Variants in ESR1 observed in about 807,000 individuals in gnomAD.
The protein encoded by ESR1 is estrogen receptor 1.
A neutral mutation model predicts 52.7 loss-of-function variants in ESR1; 12 were observed. That is an observed-to-expected ratio of 0.23 (90% CI 0.15 to 0.37). The LOEUF (loss-of-function observed/expected upper bound fraction) is 0.37. Among genes scored for constraint, ESR1 ranks in the 10% least tolerant of loss-of-function variants. ESR1 has a pLI of 1.00. For missense variants in ESR1, 584 were observed against 779.7 expected, an observed-to-expected ratio of 0.75 and a Z score of 2.99; for synonymous variants, 305 against 316.8, an observed-to-expected ratio of 0.96 and a Z score of 0.39.
chr6:152,021,087 G>T (rs895651177), intron 5 of ESR1, among the ~76,000 whole-genome samples: 5 of 152,108 alleles, frequency 3.3e-5, no homozygotes, highest in Non-Finnish European at 7.3e-5. Flanking sequence ...ATTAATCCTG[G>T]GTGTGTCTGT....
At chr6:151,890,918 G>T (rs1163222757) in intron 3 of ESR1, among the ~76,000 whole-genome samples, 2 of 152,020 alleles carry the variant, frequency 1.3e-5, no homozygotes, top group Non-Finnish European at 2.9e-5. Context: ...ATATAACAGG[G>T]TCTTGTTTTT....
At chr6:151,968,347 G>C (rs1459850551) in intron 4 of ESR1, among the ~76,000 whole-genome samples, 1 of 152,130 alleles carries the variant, frequency 6.6e-6, no homozygotes, top group East Asian at 1.9e-4. Context: ...GTACAATTCA[G>C]GACACAGGCA....
At position 151,996,749 on chromosome 6, in the gene ESR1, A is replaced by G. The variant is rs925924776; in HGVS notation, c.1097-14907A>G. The stretch of plus-strand genomic sequence containing the variant: ...CAAAAGTAAAAGTATGCTAATTTCA[A>G]TCCTTCACACAGTAAATTGAATGTA... On this transcript the variant is annotated intron_variant, in intron 4 of 7. Coordinates refer to ENST00000206249, the MANE Select transcript of ESR1 (RefSeq NM_000125.4). Among the ~76,000 whole-genome samples the G allele has an allele frequency of 8.5e-5, 13 of 152,154 alleles. No homozygotes were observed. In the South Asian group the frequency reaches 2.5e-3, roughly 29 times the overall value.
rs929364255 is a variant in ESR1, at chr6:152,018,230, GA to G, written c.1235+6446del. Among the ~76,000 whole-genome samples, 446 of 132,406 alleles carry G rather than the reference GA, an allele frequency of 3.4e-3. 4 individuals are homozygous for G. The highest frequency in any genetic ancestry group is 0.011 in the African/African-American group (385 of 35,856). The allele number at this position is 132,406 out of a possible 152,430, so 86.9% of individuals were successfully genotyped here. A position where few individuals can be genotyped will look rare whatever the true frequency, so the allele number is the denominator to read the frequency against. The stretch of plus-strand genomic sequence containing the variant: ...TCCAATGATAAACTCATTTTAAATA[GA>G]AAAAAAAAAGTCATTCTCTACAAAC... On this transcript the variant is annotated intron_variant, in intron 5 of 7. Coordinates refer to ENST00000206249, the MANE Select transcript of ESR1 (RefSeq NM_000125.4).
chr6:151,839,254 G>T (rs1783884663), intron 1 of ESR1, among the ~76,000 whole-genome samples: 1 of 152,148 alleles, frequency 6.6e-6, no homozygotes, highest in South Asian at 2.1e-4. Flanking sequence ...GGAGTGGCTG[G>T]TAAGGGAGGC....
chr6:151,774,326 G>A (rs1355440001), intron 2 of ESR1, among the ~76,000 whole-genome samples: 1 of 152,198 alleles, frequency 6.6e-6, no homozygotes, highest in Admixed American at 6.5e-5. Context: ...TTGGGAGTTC[G>A]GGAACAAATG....
At chr6:151,667,350 C>T (rs1259198637) in intron 1 of ESR1, among the ~76,000 whole-genome samples, 6 of 152,164 alleles carry the variant, frequency 3.9e-5, no homozygotes, top group African/African-American at 7.2e-5. Context: ...CAGTAGCCCT[C>T]GAACCTAGCA....
chr6:151,712,699 C>T (rs1259285905), intron 2 of ESR1, among the ~76,000 whole-genome samples: 3 of 152,164 alleles, frequency 2.0e-5, no homozygotes, highest in African/African-American at 7.2e-5. Context: ...TATCCTGAGA[C>T]TTTGCTGAAG....
chr6:151,780,838 G>T (rs2128121522), intron 2 of ESR1, among the ~76,000 whole-genome samples: 1 of 152,260 alleles, frequency 6.6e-6, no homozygotes, highest in East Asian at 1.9e-4. Context: ...AACTGTTTTT[G>T]TCACTCTGTC....
At chr6:151,889,775 A>G (rs1490447238) in intron 3 of ESR1, among the ~76,000 whole-genome samples, 2 of 152,140 alleles carry the variant, frequency 1.3e-5, no homozygotes, top group African/African-American at 4.8e-5. Flanking sequence ...TCTTTGATGA[A>G]GACATTTATT....
At chr6:152,087,714 C>T (rs915442116) in intron 6 of ESR1, among the ~76,000 whole-genome samples, 8 of 152,194 alleles carry the variant, frequency 5.3e-5, no homozygotes, top group African/African-American at 1.9e-4. Flanking sequence ...GTCATTGTAG[C>T]ATTGTGATAG....
intron 5 of ESR1, among the ~76,000 whole-genome samples, chr6:152,052,596 C>T (rs562645561): frequency 2.6e-5 from 4 of 152,102 alleles, no homozygotes; most frequent in Admixed American, 6.5e-5. Context: ...ATAGTTACCC[C>T]GTGGTCTTTT....
At chr6:151,683,458 C>CA (rs201266524) in intron 1 of ESR1, among the ~76,000 whole-genome samples, 7,713 of 101,860 alleles carry the variant, frequency 0.076, 287 homozygotes, top group African/African-American at 0.13. Context: ...TTCATTTGAT[C>CA]AAAAAAAAAA....
At chr6:151,923,992 G>T (rs1051432687) in intron 3 of ESR1, among the ~76,000 whole-genome samples, 1 of 152,146 alleles carries the variant, frequency 6.6e-6, no homozygotes, top group African/African-American at 2.4e-5. Context: ...CAGTGTTTTG[G>T]ATTTTAACTA....
At chr6:151,856,203 A>G (rs1378154449) in intron 2 of ESR1, among the ~76,000 whole-genome samples, 1 of 152,158 alleles carries the variant, frequency 6.6e-6, no homozygotes, top group East Asian at 1.9e-4. Context: ...GCTCCTAAAG[A>G]GGAGCAATAG....
chr6:151,828,477 G>GA (rs1402746210), intron 1 of ESR1, among the ~76,000 whole-genome samples: 1 of 152,096 alleles, frequency 6.6e-6, no homozygotes, highest in African/African-American at 2.4e-5. Context: ...TTCTTGGCAG[G>GA]AAAAAAACAT....
At chr6:151,808,503 GGC>G in intron 1 of ESR1, 139 bp downstream of exon 1, 1 of 686,702 alleles carries the variant, frequency 1.5e-6, no homozygotes, top group Non-Finnish European at 2.1e-6. Flanking sequence ...GGGAGCCCGG[GGC>G]GCGCGGCCCA....
At chr6:151,683,785 A>G (rs999207471) in intron 1 of ESR1, among the ~76,000 whole-genome samples, 1 of 147,750 alleles carries the variant, frequency 6.8e-6, no homozygotes, top group African/African-American at 2.5e-5. Flanking sequence ...TGAAACCTCC[A>G]CCTCCCAGGT....
chr6:152,120,037 C>T (rs896526695), intron 6 of ESR1, among the ~76,000 whole-genome samples: 2 of 152,224 alleles, frequency 1.3e-5, no homozygotes, highest in African/African-American at 2.4e-5. Flanking sequence ...GGAATGTATG[C>T]TAAGATTTTT....
Sources: gnomAD v4.1 joint callset for allele counts (sites outside exome capture counted in the v4.1 genomes callset) on GRCh38, gnomAD v4.1.1 for gene constraint, MANE v1.5 for transcripts, NCBI Gene and HGNC (gene_info 2026-07-23, HGNC 2026-07-21) for gene names.